CNRIP1: variants seen among roughly 807,000 people sequenced by gnomAD.
CNRIP1 encodes CB1 cannabinoid receptor-interacting protein 1.
A neutral mutation model predicts 15.2 loss-of-function variants in CNRIP1; 10 were observed. The observed-to-expected ratio is 0.66, with a 90% CI of 0.41 to 1.12. The LOEUF (loss-of-function observed/expected upper bound fraction) is 1.12. CNRIP1 is among the 50% of genes most tolerant of loss of function. The pLI is 0.00. For missense variants in CNRIP1, 211 were observed against 214.7 expected (o/e 0.98, Z 0.11); for synonymous variants, 91 against 83.2 (o/e 1.09, Z -0.51).
chr2:68,300,997 A>C (rs1384437452), intron 2 of CNRIP1, among the ~76,000 whole-genome samples: 3 of 152,212 alleles, frequency 2.0e-5, no homozygotes, highest in Non-Finnish European at 2.9e-5. Context: ...AAAGCCACCA[A>C]TTCCACATAA....
chr2:68,303,146 G>T (rs575964135), intron 2 of CNRIP1, among the ~76,000 whole-genome samples: 24 of 152,064 alleles, frequency 1.6e-4, no homozygotes, highest in African/African-American at 5.8e-4. Flanking sequence ...GCGCCCGGCC[G>T]AAAAACATTT....
chr2:68,292,569 C>T (rs1375308645), downstream of CNRIP1, among the ~76,000 whole-genome samples: 1 of 152,136 alleles, frequency 6.6e-6, no homozygotes, highest in Admixed American at 6.5e-5. Context: ...TAGCATGTTA[C>T]TTTTCAAGAG....
At chr2:68,308,859 T>C (rs2103671520) in intron 2 of CNRIP1, among the ~76,000 whole-genome samples, 1 of 151,994 alleles carries the variant, frequency 6.6e-6, no homozygotes, top group African/African-American at 2.4e-5. Context: ...TGCCTGCCTC[T>C]CCCCACCCCT....
intron 2 of CNRIP1, among the ~76,000 whole-genome samples, chr2:68,287,786 C>T (rs879633313): frequency 2.0e-5 from 3 of 152,254 alleles, no homozygotes; most frequent in Non-Finnish European, 2.9e-5. Flanking sequence ...TGTGCCTCGA[C>T]GGGGGAGGGC....
At chr2:68,291,327 C>G (rs928965800), downstream of CNRIP1, among the ~76,000 whole-genome samples, 2 of 151,426 alleles carry the variant, frequency 1.3e-5, no homozygotes, top group Non-Finnish European at 2.9e-5. Flanking sequence ...AATAGAGGAA[C>G]AAACCATAAC....
chr2:68,317,043 C>T, intron 2 of CNRIP1, 114 bp downstream of exon 2: 1 of 1,282,278 alleles, frequency 7.8e-7, no homozygotes, highest in East Asian at 2.3e-5. Context: ...ACTCAATTTC[C>T]ACAGTAATTG....
At chr2:68,286,317 AACACACAC>A (rs3039882) in intron 2 of CNRIP1, among the ~76,000 whole-genome samples, 2,337 of 149,716 alleles carry the variant, frequency 0.016, 64 homozygotes, top group African/African-American at 0.054. Flanking sequence ...GGACCTTACG[AACACACAC>A]ACACACACAC....
Position 68,319,883 on chromosome 2 carries a change from A to C in CNRIP1, c.-483T>G, listed in dbSNP as rs1384546157. On this transcript the variant is annotated 5_prime_UTR_variant, in exon 1 of 3. Transcript: ENST00000263655. ...GGGAAGGCGCTGGAGTTAAGCGACC[A>C]CTATGCCAAGGAGCGAGACCCCCGG... 6.5e-6 allele frequency: 1 copy of C among 152,944 alleles called. No homozygotes were observed. The highest frequency in any genetic ancestry group is 1.5e-5 in the Non-Finnish European group (1 of 68,590). 9.5% of individuals were successfully genotyped at this position (152,944 alleles called of 1,614,324 possible). A position where few individuals can be genotyped will look rare whatever the true frequency, so the allele number is the denominator to read the frequency against.
In CNRIP1 at chr2:68,293,680, C is replaced by G; in HGVS notation, c.*182G>C. 7.3e-7 allele frequency: 1 copy of G among 1,361,986 alleles called. No homozygotes were observed. The highest frequency in any genetic ancestry group is 9.5e-7 in the Non-Finnish European group (1 of 1,053,274). The allele number at this position is 1,361,986 out of a possible 1,614,324, so 84.4% of individuals were successfully genotyped here. A position where few individuals can be genotyped will look rare whatever the true frequency, so the allele number is the denominator to read the frequency against. Reference sequence around the variant, plus strand: ...ATTCTCGGGAGTGGTACATCACCATCTTGTATGTGAGGGATATTGTGTCAG... The same window carrying G: ...ATTCTCGGGAGTGGTACATCACCATGTTGTATGTGAGGGATATTGTGTCAG... On this transcript the variant is annotated 3_prime_UTR_variant, in exon 3 of 3. Coordinates refer to ENST00000263655, the MANE Select transcript of CNRIP1 (RefSeq NM_015463.3).
chr2:68,315,355 C>T (rs1672233223), intron 2 of CNRIP1, among the ~76,000 whole-genome samples: 1 of 152,062 alleles, frequency 6.6e-6, no homozygotes, highest in South Asian at 2.1e-4. Flanking sequence ...TACTTAAATA[C>T]AGATGATAGG....
intron 2 of CNRIP1, among the ~76,000 whole-genome samples, chr2:68,294,840 G>C (rs777943399): frequency 6.6e-6 from 1 of 152,142 alleles, no homozygotes; most frequent in Non-Finnish European, 1.5e-5. Flanking sequence ...ATAAAAATTC[G>C]TATAAGGCAG....
At chr2:68,298,445 G>A (rs1360987953) in intron 2 of CNRIP1, among the ~76,000 whole-genome samples, 1 of 151,790 alleles carries the variant, frequency 6.6e-6, no homozygotes, top group Non-Finnish European at 1.5e-5. Flanking sequence ...AATAAAAGTT[G>A]GTTATAAAAA....
At chr2:68,317,081 A>G in intron 2 of CNRIP1, 76 bp downstream of exon 2, 1 of 1,554,274 alleles carries the variant, frequency 6.4e-7, no homozygotes, top group Non-Finnish European at 8.9e-7. Context: ...TCTTACAGAG[A>G]GATAGTGATT....
At chr2:68,310,721 A>AAG (rs1672040470) in intron 2 of CNRIP1, among the ~76,000 whole-genome samples, 1 of 151,992 alleles carries the variant, frequency 6.6e-6, no homozygotes, top group Non-Finnish European at 1.5e-5. Flanking sequence ...TTAAAAAAAA[A>AAG]AAAAGTCAGG....
chr2:68,313,495 T>C (rs1672166146), intron 2 of CNRIP1, among the ~76,000 whole-genome samples: 1 of 152,048 alleles, frequency 6.6e-6, no homozygotes, highest in Non-Finnish European at 1.5e-5. Context: ...TACCCAGAAA[T>C]AAAATGAACC....
intron 2 of CNRIP1, among the ~76,000 whole-genome samples, chr2:68,305,313 T>TGTGTGTGTGTAA (rs1421342491): frequency 7.1e-6 from 1 of 140,752 alleles, no homozygotes; most frequent in East Asian, 2.0e-4. Context: ...TGTGTGTGTG[T>TGTGTGTGTGTAA]ACATATAAAA....
downstream of CNRIP1, among the ~76,000 whole-genome samples, chr2:68,292,118 T>G (rs1671188241): frequency 6.6e-6 from 1 of 152,184 alleles, no homozygotes; most frequent in South Asian, 2.1e-4. Context: ...GTAAATCCAT[T>G]GTTTTAAATA....
At chr2:68,295,141 A>G (rs190960245) in intron 2 of CNRIP1, among the ~76,000 whole-genome samples, 116 of 152,296 alleles carry the variant, frequency 7.6e-4, no homozygotes, top group African/African-American at 2.7e-3. Flanking sequence ...CTGACTTGGC[A>G]GGACTCTTAG....
chr2:68,288,664 T>C (rs139766620), downstream of CNRIP1, among the ~76,000 whole-genome samples: 520 of 152,322 alleles, frequency 3.4e-3, 2 homozygotes, highest in South Asian at 9.9e-3. Context: ...TATAGGCAAA[T>C]GAGTTTCTAG....
Sources: gnomAD v4.1 joint callset for allele counts (sites outside exome capture counted in the v4.1 genomes callset) on GRCh38, gnomAD v4.1.1 for gene constraint, MANE v1.5 for transcripts, NCBI Gene and HGNC (gene_info 2026-07-23, HGNC 2026-07-21) for gene names.